Variants in SKIC3 observed in about 807,000 individuals in gnomAD.
The protein encoded by SKIC3 is SKI3 subunit of superkiller complex.
chr5:95,499,286 T>A, the SKIC3 span, among the ~76,000 whole-genome samples: 4 of 152,174 alleles, frequency 2.6e-5, no homozygotes, highest in African/African-American at 7.2e-5. Flanking sequence ...CTCCATTTGG[T>A]ACTGTATAGT....
chr5:95,482,385 C>A, the SKIC3 span: 1 of 1,376,542 alleles, frequency 7.3e-7, no homozygotes, highest in East Asian at 2.3e-5. Flanking sequence ...TGACAGCAAG[C>A]CAAATAAAAA....
chr5:95,516,201 T>C, the SKIC3 span: 33 of 736,034 alleles, frequency 4.5e-5, no homozygotes, highest in Middle Eastern at 3.7e-4. Context: ...CGACATAAAT[T>C]GAATATCATC....
the SKIC3 span, among the ~76,000 whole-genome samples, chr5:95,515,417 G>A: frequency 6.6e-6 from 1 of 152,016 alleles, no homozygotes; most frequent in African/African-American, 2.4e-5. Flanking sequence ...ATCTAATTTG[G>A]ACACATTAAC....
chr5:95,476,625 A>G, the SKIC3 span, among the ~76,000 whole-genome samples: 3 of 152,268 alleles, frequency 2.0e-5, no homozygotes, highest in Admixed American at 2.0e-4. Flanking sequence ...CATTATTCAA[A>G]CAATGCCACA....
the SKIC3 span, chr5:95,506,949 T>C: frequency 1.9e-6 from 3 of 1,613,484 alleles, no homozygotes; most frequent in South Asian, 3.3e-5. Context: ...CAATCTGCCG[T>C]AATTTCTTAT....
the SKIC3 span, chr5:95,502,861 T>A: frequency 6.2e-7 from 1 of 1,612,176 alleles, no homozygotes; most frequent in East Asian, 2.2e-5. Flanking sequence ...TGTTAAGTGT[T>A]GATGTCAACT....
chr5:95,524,374 T>A, the SKIC3 span: 1 of 1,545,348 alleles, frequency 6.5e-7, no homozygotes, highest in Non-Finnish European at 8.8e-7. Flanking sequence ...AACAGTTCAG[T>A]AAAGAGTAAT....
chr5:95,472,707 C>T, the SKIC3 span, among the ~76,000 whole-genome samples: 1 of 151,838 alleles, frequency 6.6e-6, no homozygotes, highest in Non-Finnish European at 1.5e-5. Context: ...GGGTATATTG[C>T]ACCCAGTTAG....
At chr5:95,471,695 G>T in the SKIC3 span, among the ~76,000 whole-genome samples, 1 of 152,116 alleles carries the variant, frequency 6.6e-6, no homozygotes, top group African/African-American at 2.4e-5. Context: ...AACTCCTGTG[G>T]CTAATTGTAG....
At chr5:95,498,904 C>T in the SKIC3 span, among the ~76,000 whole-genome samples, 7 of 152,320 alleles carry the variant, frequency 4.6e-5, no homozygotes, top group East Asian at 1.9e-4. Context: ...GGATTACAGG[C>T]GTGAGCCACC....
chr5:95,515,175 G>A, the SKIC3 span: 4 of 403,546 alleles, frequency 9.9e-6, no homozygotes, highest in East Asian at 2.2e-4. Context: ...GTTCTACCTT[G>A]TCATCTGCAG....
At chr5:95,464,659 G>A in the SKIC3 span, 1 of 1,613,450 alleles carries the variant, frequency 6.2e-7, no homozygotes, top group Admixed American at 1.7e-5. Context: ...ATCTCCATGA[G>A]TTTTGGCATT....
the SKIC3 span, among the ~76,000 whole-genome samples, chr5:95,497,657 C>CTA: frequency 1.3e-5 from 2 of 152,064 alleles, no homozygotes; most frequent in East Asian, 3.9e-4. Flanking sequence ...TTTATATCAC[C>CTA]TATATACACC....
chr5:95,516,293 G>A, the SKIC3 span: 1 of 1,576,692 alleles, frequency 6.3e-7, no homozygotes, highest in Non-Finnish European at 8.7e-7. Flanking sequence ...AGCTATTGAG[G>A]AGACAATAAT....
chr5:95,490,758 A>G, the SKIC3 span: 1 of 975,386 alleles, frequency 1.0e-6, no homozygotes, highest in Non-Finnish European at 1.5e-6. Flanking sequence ...TCGGCCTCCC[A>G]AAGTGCTGGG....
chr5:95,538,400 C>G, the SKIC3 span, among the ~76,000 whole-genome samples: 1 of 152,076 alleles, frequency 6.6e-6, no homozygotes, highest in Non-Finnish European at 1.5e-5. Context: ...TTATCCCCAG[C>G]TCTTAGGACC....
the SKIC3 span, chr5:95,528,042 A>G: frequency 6.2e-7 from 1 of 1,613,730 alleles, no homozygotes; most frequent in African/African-American, 1.3e-5. Flanking sequence ...GCTTCCTCTG[A>G]AGAGTCATAA....
At chr5:95,494,891 T>G in the SKIC3 span, 3 of 1,593,368 alleles carry the variant, frequency 1.9e-6, no homozygotes, top group Non-Finnish European at 2.6e-6. Context: ...TCCCTAAGAC[T>G]ATGAAAACTA....
chr5:95,477,625 A>T, the SKIC3 span, among the ~76,000 whole-genome samples: 1 of 152,182 alleles, frequency 6.6e-6, no homozygotes, highest in Non-Finnish European at 1.5e-5. Flanking sequence ...TTCTCCAAAT[A>T]ACTGCCATTA....
Sources: gnomAD v4.1 joint callset for allele counts (sites outside exome capture counted in the v4.1 genomes callset) on GRCh38, gnomAD v4.1.1 for gene constraint, MANE v1.5 for transcripts, NCBI Gene and HGNC (gene_info 2026-07-23, HGNC 2026-07-21) for gene names.